The following OR1J2 variants were observed in gnomAD, a reference collection of about 807,000 sequenced individuals.
OR1J2 encodes the protein olfactory receptor 1J2.
For missense variants in OR1J2, 304 were observed against 246.1 expected (o/e 1.24, Z -1.57); for synonymous variants, 142 against 99.7 (o/e 1.42, Z -2.52).
chr9:122,477,605 CA>C, the OR1J2 span: 1 of 1,614,056 alleles, frequency 6.2e-7, no homozygotes. Flanking sequence ...TCTAAGTCAG[CA>C]AAAAATATGA....
chr9:122,476,570 G>A, the OR1J2 span, among the ~76,000 whole-genome samples: 5 of 152,182 alleles, frequency 3.3e-5, no homozygotes, highest in Non-Finnish European at 1.5e-5. Flanking sequence ...AGTGACAGCT[G>A]TGGAAGAAAG....
chr9:122,505,807 G>GT (rs370875369), upstream of OR1J2, among the ~76,000 whole-genome samples: 51 of 146,062 alleles, frequency 3.5e-4, no homozygotes, highest in East Asian at 1.4e-3. Context: ...GTGTCAACTT[G>GT]TTTTTTTTTT....
the OR1J2 span, among the ~76,000 whole-genome samples, chr9:122,528,019 A>G: frequency 6.6e-6 from 1 of 152,216 alleles, no homozygotes; most frequent in African/African-American, 2.4e-5. Context: ...GCTCATAAAT[A>G]TTTGAGACAG....
At chr9:122,464,855 A>AT in the OR1J2 span, among the ~76,000 whole-genome samples, 6 of 152,268 alleles carry the variant, frequency 3.9e-5, no homozygotes, top group African/African-American at 1.4e-4. Context: ...TTGGGACTAT[A>AT]TAAGACTTTT....
At chr9:122,454,587 G>A in the OR1J2 span, among the ~76,000 whole-genome samples, 1 of 151,742 alleles carries the variant, frequency 6.6e-6, no homozygotes, top group Non-Finnish European at 1.5e-5. Flanking sequence ...TTTATTACCT[G>A]TCTTGATCCA....
At chr9:122,553,121 C>G in the OR1J2 span, 2 of 1,336,806 alleles carry the variant, frequency 1.5e-6, no homozygotes, top group Middle Eastern at 3.8e-4. Flanking sequence ...ACAGTTCTGG[C>G]CACACAGATG....
the OR1J2 span, among the ~76,000 whole-genome samples, chr9:122,550,200 A>G: frequency 2.6e-5 from 4 of 152,296 alleles, no homozygotes; most frequent in East Asian, 1.9e-4. Context: ...AGATTGTGCC[A>G]GGAACAAGTA....
the OR1J2 span, among the ~76,000 whole-genome samples, chr9:122,494,953 T>C: frequency 3.1e-3 from 466 of 152,310 alleles, 4 homozygotes; most frequent in African/African-American, 0.011. Context: ...AGCCTAGTTT[T>C]GCTGGATACA....
At chr9:122,473,393 G>A in the OR1J2 span, among the ~76,000 whole-genome samples, 3 of 152,108 alleles carry the variant, frequency 2.0e-5, no homozygotes, top group Non-Finnish European at 2.9e-5. Context: ...CTCTCTAAAA[G>A]TATTCCTTGG....
At chr9:122,482,966 TAAC>T in the OR1J2 span, among the ~76,000 whole-genome samples, 12 of 152,290 alleles carry the variant, frequency 7.9e-5, no homozygotes, top group East Asian at 1.4e-3. Flanking sequence ...TAAATATTGT[TAAC>T]AACATTGTAT....
At chr9:122,553,329 G>A in the OR1J2 span, 1 of 1,613,960 alleles carries the variant, frequency 6.2e-7, no homozygotes, top group South Asian at 1.1e-5. Context: ...CATGTACCTG[G>A]TCACCATGGT....
chr9:122,544,277 T>C, the OR1J2 span, among the ~76,000 whole-genome samples: 2 of 151,984 alleles, frequency 1.3e-5, no homozygotes, highest in Admixed American at 6.5e-5. Context: ...TTGATATTGA[T>C]TTCGTTAATA....
chr9:122,508,339 C>A (rs1211084846), upstream of OR1J2, among the ~76,000 whole-genome samples: 1 of 152,058 alleles, frequency 6.6e-6, no homozygotes, highest in African/African-American at 2.4e-5. Context: ...AGGTTGAGGT[C>A]TATATATAGC....
the OR1J2 span, among the ~76,000 whole-genome samples, chr9:122,522,284 A>T: frequency 3.3e-5 from 5 of 152,188 alleles, no homozygotes; most frequent in Non-Finnish European, 5.9e-5. Flanking sequence ...TGACCAGTGT[A>T]CTTCCTTCTC....
chr9:122,465,809 C>T, the OR1J2 span, among the ~76,000 whole-genome samples: 1 of 152,172 alleles, frequency 6.6e-6, no homozygotes, highest in Admixed American at 6.5e-5. Context: ...CCTGTTCCTT[C>T]TCTCTATTTC....
At chr9:122,537,267 C>G in the OR1J2 span, among the ~76,000 whole-genome samples, 2 of 152,232 alleles carry the variant, frequency 1.3e-5, no homozygotes, top group Non-Finnish European at 2.9e-5. Flanking sequence ...TCACAATGTT[C>G]TGCTATACAA....
the OR1J2 span, among the ~76,000 whole-genome samples, chr9:122,566,829 A>C: frequency 6.6e-6 from 1 of 152,202 alleles, no homozygotes; most frequent in East Asian, 1.9e-4. Flanking sequence ...CACATAGTTT[A>C]TGGGAAGGTG....
chr9:122,503,158 G>T, the OR1J2 span, among the ~76,000 whole-genome samples: 1 of 152,194 alleles, frequency 6.6e-6, no homozygotes, highest in African/African-American at 2.4e-5. Context: ...GTGAGATGAT[G>T]TCATGTGGGA....
At chr9:122,456,324 A>C in the OR1J2 span, among the ~76,000 whole-genome samples, 111 of 152,308 alleles carry the variant, frequency 7.3e-4, no homozygotes, top group African/African-American at 2.6e-3. Flanking sequence ...GCTCTGGCTA[A>C]TCTCTAGGAT....
Sources: gnomAD v4.1 joint callset for allele counts (sites outside exome capture counted in the v4.1 genomes callset) on GRCh38, gnomAD v4.1.1 for gene constraint, MANE v1.5 for transcripts, NCBI Gene and HGNC (gene_info 2026-07-23, HGNC 2026-07-21) for gene names.